The following SCFD2 variants were observed in gnomAD, a reference collection of about 807,000 sequenced individuals.
SCFD2 encodes the protein sec1 family domain containing 2.
A neutral mutation model predicts 58.9 loss-of-function variants in SCFD2; 54 were observed. The ratio of observed to expected loss-of-function variants is 0.92; its 90% CI spans 0.74 to 1.15. The LOEUF (loss-of-function observed/expected upper bound fraction) is 1.15. Ranked by LOEUF, SCFD2 falls within the 50% of genes most tolerant of loss-of-function variation. The pLI is 0.00. For missense variants in SCFD2, 805 were observed against 836.6 expected (o/e 0.96, Z 0.47); for synonymous variants, 321 against 335.9 (o/e 0.96, Z 0.49).
chr4:53,202,365 G>A (rs1728273130), intron 4 of SCFD2, among the ~76,000 whole-genome samples: 2 of 151,902 alleles, frequency 1.3e-5, no homozygotes, highest in Non-Finnish European at 2.9e-5. Flanking sequence ...TGAGGGCTCT[G>A]TTCTGTTCCA....
intron 5 of SCFD2, among the ~76,000 whole-genome samples, chr4:53,100,627 T>C (rs908890215): frequency 1.3e-5 from 2 of 152,158 alleles, no homozygotes; most frequent in African/African-American, 4.8e-5. Context: ...CAAAGCGTAC[T>C]GTAAGAATAA....
chr4:53,214,187 G>C lies in SCFD2; in HGVS notation c.1311+59639C>G, dbSNP rs185837232. On this transcript the variant is annotated intron_variant, in intron 4 of 8. Coordinates refer to ENST00000401642, the MANE Select transcript of SCFD2 (RefSeq NM_152540.4). ...TATATACCCAGTAATGGGATGGCTAGGTCAAATGGTATTTCTAGTTCCAGA... is the reference window on the plus strand; with the variant it reads ...TATATACCCAGTAATGGGATGGCTACGTCAAATGGTATTTCTAGTTCCAGA... 3.5e-3 allele frequency among the ~76,000 whole-genome samples: 533 copies of C among 152,218 alleles called. 4 individuals carry two copies. The highest frequency in any genetic ancestry group is 0.012 in the African/African-American group (510 of 41,472).
At chr4:53,202,062 G>T (rs1201048595) in intron 4 of SCFD2, among the ~76,000 whole-genome samples, 1 of 152,124 alleles carries the variant, frequency 6.6e-6, no homozygotes, top group Non-Finnish European at 1.5e-5. Context: ...GGCTTCTGTT[G>T]CCATTGCTTT....
intron 5 of SCFD2, among the ~76,000 whole-genome samples, chr4:53,084,474 C>T (rs541044370): frequency 1.9e-4 from 29 of 152,254 alleles, no homozygotes; most frequent in African/African-American, 7.0e-4. Context: ...TCAGTTTGTA[C>T]AGTTAACCCA....
chr4:53,296,085 G>C (rs1732019873), intron 3 of SCFD2, among the ~76,000 whole-genome samples: 1 of 152,120 alleles, frequency 6.6e-6, no homozygotes, highest in Non-Finnish European at 1.5e-5. Flanking sequence ...CAGGTATATT[G>C]GCTTAAAATT....
At chr4:53,053,111 G>A (rs1426680423) in intron 5 of SCFD2, among the ~76,000 whole-genome samples, 1 of 151,960 alleles carries the variant, frequency 6.6e-6, no homozygotes, top group Non-Finnish European at 1.5e-5. Flanking sequence ...TGTAATCCCA[G>A]CTACTTGGGA....
At chr4:53,025,548 G>GT (rs1308562397) in intron 5 of SCFD2, among the ~76,000 whole-genome samples, 1 of 6,184 alleles carries the variant, frequency 1.6e-4, no homozygotes, top group African/African-American at 1.8e-4. Flanking sequence ...ATTTTTCACT[G>GT]CCAAGTAGGA....
intron 4 of SCFD2, among the ~76,000 whole-genome samples, chr4:53,254,820 ATTTTATTTTATTTTATTTT>A (rs1195857549): frequency 4.6e-4 from 30 of 64,764 alleles, no homozygotes; most frequent in Non-Finnish European, 7.2e-4. Flanking sequence ...ATTTTATTTT[ATTTTATTTTATTTTATTTT>A]ATTTTATTTT....
At chr4:53,026,677 G>C (rs909543580) in intron 5 of SCFD2, among the ~76,000 whole-genome samples, 9 of 152,162 alleles carry the variant, frequency 5.9e-5, no homozygotes, top group African/African-American at 2.2e-4. Flanking sequence ...AATCACTCTA[G>C]GAGCCAGATC....
chr4:52,898,033 G>A (rs1333803467), intron 7 of SCFD2, among the ~76,000 whole-genome samples: 3 of 152,118 alleles, frequency 2.0e-5, no homozygotes, highest in Admixed American at 6.5e-5. Context: ...GCGTCTATTT[G>A]ATTCTTCTCT....
Position 52,885,821 on chromosome 4 carries a change from C to T in SCFD2, c.1888G>A (p.Val630Met). 2 of 1,614,148 alleles carry T rather than the reference C, an allele frequency of 1.2e-6. No homozygotes were observed. Among genetic ancestry groups the T allele is most frequent in the Non-Finnish European group, 1.7e-6 (2 of 1,179,992 alleles). The change falls in exon 8 of 9, where the codon GTG becomes ATG. Residue 630 changes from valine (V) to methionine (M), a missense_variant. Physicochemically the swap from Val to Met is conservative, Grantham distance 21 (BLOSUM62 1). This residue lies in a region of SCFD2 where 633 missense variants were observed against 646.8 expected (regional missense o/e 0.98). Coordinates refer to ENST00000401642, the MANE Select transcript of SCFD2 (RefSeq NM_152540.4). Reference protein sequence around the residue: ...PSDYPLLILFVVGGVTVSEVK... With the variant: ...PSDYPLLILFMVGGVTVSEVK... ...TCAGAGACTGTGACCCCACCTACCACAAAGAGGATCAGGAGGGGGTAGTCA... is the reference window on the plus strand; with the variant it reads ...TCAGAGACTGTGACCCCACCTACCATAAAGAGGATCAGGAGGGGGTAGTCA...
At chr4:52,939,908 G>A (rs1720246387) in intron 5 of SCFD2, among the ~76,000 whole-genome samples, 1 of 152,172 alleles carries the variant, frequency 6.6e-6, no homozygotes, top group African/African-American at 2.4e-5. Context: ...GCTGCCACTG[G>A]CTGGTGACAT....
At chr4:52,947,451 C>T (rs902563146) in intron 5 of SCFD2, among the ~76,000 whole-genome samples, 2 of 152,086 alleles carry the variant, frequency 1.3e-5, no homozygotes, top group African/African-American at 2.4e-5. Context: ...TATAATTTTA[C>T]AAATTGATTC....
chr4:53,098,644 C>T (rs1450405116), intron 5 of SCFD2, among the ~76,000 whole-genome samples: 1 of 152,038 alleles, frequency 6.6e-6, no homozygotes, highest in African/African-American at 2.4e-5. Context: ...GAAAGCTCTT[C>T]CCCTAGATAG....
At chr4:53,216,046 A>T (rs1006765693) in intron 4 of SCFD2, among the ~76,000 whole-genome samples, 1 of 152,076 alleles carries the variant, frequency 6.6e-6, no homozygotes, top group African/African-American at 2.4e-5. Flanking sequence ...GATTCGGTTC[A>T]TCAGTATGTT....
At chr4:53,322,804 T>C (rs1733065669) in intron 2 of SCFD2, among the ~76,000 whole-genome samples, 1 of 152,238 alleles carries the variant, frequency 6.6e-6, no homozygotes, top group South Asian at 2.1e-4. Context: ...AGTACACAGA[T>C]CAGCACTTGC....
intron 3 of SCFD2, among the ~76,000 whole-genome samples, chr4:53,310,875 A>G (rs571945917): frequency 1.0e-3 from 157 of 152,330 alleles, no homozygotes; most frequent in African/African-American, 3.5e-3. Flanking sequence ...GGGAATCGTG[A>G]GTCTATAATT....
At chr4:53,014,164 T>C (rs1163710774) in intron 5 of SCFD2, among the ~76,000 whole-genome samples, 4 of 152,160 alleles carry the variant, frequency 2.6e-5, no homozygotes, top group African/African-American at 9.7e-5. Flanking sequence ...GATGTGGAAG[T>C]GCAGAGTGCT....
intron 4 of SCFD2, among the ~76,000 whole-genome samples, chr4:53,258,608 T>C (rs1730733613): frequency 6.9e-6 from 1 of 144,586 alleles, no homozygotes; most frequent in Admixed American, 6.9e-5. Context: ...CACATTTTCT[T>C]TATCCACCCA....
Sources: gnomAD v4.1 joint callset for allele counts (sites outside exome capture counted in the v4.1 genomes callset) on GRCh38, gnomAD v4.1.1 for gene constraint, gnomAD v4.1.1 regional missense constraint, MANE v1.5 for transcripts, NCBI Gene and HGNC (gene_info 2026-07-23, HGNC 2026-07-21) for gene names.